The following FAM20C variants were observed in gnomAD, a reference collection of about 807,000 sequenced individuals.
FAM20C encodes extracellular serine/threonine protein kinase FAM20C.
A neutral mutation model predicts 51.5 loss-of-function variants in FAM20C; 40 were observed. The ratio of observed to expected loss-of-function variants is 0.78; its 90% confidence interval spans 0.60 to 1.01. The LOEUF is 1.01. Among genes scored for constraint, FAM20C ranks in the 50% least tolerant of loss-of-function variants. FAM20C has a pLI of 0.00. For synonymous variants in FAM20C, 406 were observed against 380.6 expected, an observed-to-expected ratio of 1.07 and a Z score of -0.78; for missense variants, 861 against 844.7, an observed-to-expected ratio of 1.02 and a Z score of -0.24.
rs1043086159 is a variant in FAM20C, at chr7:256,946, C to T, written c.1364-59C>T. ...ACGCCGCTCTGCAGAGCACAGAGGC[C>T]TCTGAGCTACGTGGCCCGGCTCCCC... On this transcript the variant is annotated intron_variant, in intron 7 of 9. Coordinates refer to ENST00000313766, the MANE Select transcript of FAM20C (RefSeq NM_020223.4). The T allele has an allele frequency of 8.5e-6, 13 of 1,520,682 alleles. No individual in the cohort carries two copies. In the Admixed American group the frequency reaches 1.6e-4, roughly 18 times the overall value. The allele number at this position is 1,520,682 out of a possible 1,614,324, so 94.2% of individuals were successfully genotyped here.
chr7:250,488 T>G (rs1788353660), intron 5 of FAM20C, among the ~76,000 whole-genome samples: 2 of 152,214 alleles, frequency 1.3e-5, no homozygotes, highest in Admixed American at 1.3e-4. Context: ...CAGCTGTGCC[T>G]GAGCCAGGCA....
chr7:251,802 A>T (rs1401524330), intron 5 of FAM20C, among the ~76,000 whole-genome samples: 1 of 152,142 alleles, frequency 6.6e-6, no homozygotes, highest in Non-Finnish European at 1.5e-5. Flanking sequence ...TTTCCAGGGC[A>T]GCGCAAGTTT....
Position 246,566 on chromosome 7 carries a change from T to C in FAM20C, c.956+59T>C, listed in dbSNP as rs143589297. On this transcript the variant is annotated intron_variant, in intron 4 of 9. Coordinates refer to ENST00000313766, the MANE Select transcript of FAM20C (RefSeq NM_020223.4). Reference sequence around the variant, plus strand: ...CCGTGCGCTCAGACCCACCGGTGAGTGAGGCCGTCCTGCACTGGACACAGC... The same window carrying C: ...CCGTGCGCTCAGACCCACCGGTGAGCGAGGCCGTCCTGCACTGGACACAGC... The C allele has an allele frequency of 0.18, 230,041 of 1,261,008 alleles. 24,770 individuals carry two copies. The highest frequency in any genetic ancestry group is 0.44 in the African/African-American group (27,484 of 62,910). 78.1% of individuals were successfully genotyped at this position (1,261,008 alleles called of 1,614,324 possible).
chr7:222,782 G>C (rs1019506100), intron 3 of FAM20C, among the ~76,000 whole-genome samples: 1 of 152,188 alleles, frequency 6.6e-6, no homozygotes, highest in Non-Finnish European at 1.5e-5. Flanking sequence ...GTAGGTGAGC[G>C]TGTGGGTGTG....
chr7:258,666 A>G lies in FAM20C; in HGVS notation c.1466A>G (p.Asp489Gly), dbSNP rs1483288850. ...NGRGFGKYSH[D>G]ELSILVPLQQ... ...GGAAGGTTTGGGAAGTATTCGCACG[A>G]CGAGCTCTCCATCCTGGTGCCGCTA... The change falls in exon 9 of 10, where the codon GAC becomes GGC. Residue 489 changes from aspartate (D) to glycine (G), a missense_variant. Asp to Gly is a moderately conservative substitution (Grantham distance 94). Around this residue, in one of 3 missense-constraint regions of FAM20C, gnomAD observed 269 missense variants for 283.8 expected, o/e 0.95. Coordinates refer to ENST00000313766, the MANE Select transcript of FAM20C (RefSeq NM_020223.4). 1.4e-5 allele frequency: 22 copies of G among 1,536,626 alleles called. No homozygotes were observed. Among genetic ancestry groups the G allele is most frequent in the Non-Finnish European group, 8.7e-7 (1 of 1,146,556 alleles).
At chr7:194,184 C>T in intron 1 of FAM20C, 1 of 214,090 alleles carries the variant, frequency 4.7e-6, no homozygotes, top group Admixed American at 5.6e-5. Flanking sequence ...CGAGGGTGCT[C>T]TGGGTGGGCA....
At chr7:250,798 T>C (rs1788368445) in intron 5 of FAM20C, among the ~76,000 whole-genome samples, 1 of 152,240 alleles carries the variant, frequency 6.6e-6, no homozygotes, top group South Asian at 2.1e-4. Flanking sequence ...GCCCGACTGC[T>C]TCTTATCCAC....
rs1183264494 is a variant in FAM20C at position 257,981 on chromosome 7, A to T, written c.1446-665A>T. On this transcript the variant is annotated intron_variant, in intron 8 of 9. Coordinates refer to ENST00000313766, the MANE Select transcript of FAM20C (RefSeq NM_020223.4). ...ACTGCCTGAGGTGCTGGAGATAGGC[A>T]GTGTGGACCCACTGCCTGGGGTGCT... Among the ~76,000 whole-genome samples, 142 of 59,082 alleles carry T rather than the reference A, an allele frequency of 2.4e-3. 32 individuals carry two copies. The highest frequency in any genetic ancestry group is 2.7e-3 in the Non-Finnish European group (75 of 28,220). The allele number at this position is 59,082 out of a possible 152,430, so 38.8% of individuals were successfully genotyped here.
intron 3 of FAM20C, among the ~76,000 whole-genome samples, chr7:217,911 C>T (rs1787078699): frequency 6.6e-6 from 1 of 152,102 alleles, no homozygotes; most frequent in Non-Finnish European, 1.5e-5. Context: ...AGAGGAGGTG[C>T]AGCTGCTCTT....
At chr7:232,862 G>C (rs899443167) in intron 3 of FAM20C, among the ~76,000 whole-genome samples, 1 of 152,198 alleles carries the variant, frequency 6.6e-6, no homozygotes, top group African/African-American at 2.4e-5. Flanking sequence ...CCTGGATTTC[G>C]GAGAAACAAC....
intron 9 of FAM20C, among the ~76,000 whole-genome samples, chr7:259,322 T>A (rs1788774899): frequency 6.6e-6 from 1 of 152,118 alleles, no homozygotes; most frequent in South Asian, 2.1e-4. Context: ...GGCACCCTCA[T>A]CCCTTGTGCA....
intron 5 of FAM20C, among the ~76,000 whole-genome samples, chr7:251,973 G>A (rs913604377): frequency 4.6e-5 from 7 of 152,182 alleles, no homozygotes; most frequent in Admixed American, 3.3e-4. Flanking sequence ...CACTCCAGCC[G>A]CGCTGCCCTG....
intron 5 of FAM20C, among the ~76,000 whole-genome samples, chr7:253,650 C>G (rs562027349): frequency 1.3e-5 from 2 of 152,184 alleles, no homozygotes; most frequent in Non-Finnish European, 2.9e-5. Flanking sequence ...TTGCTGGGAC[C>G]CCCGCTTCCC....
At chr7:223,592 C>T (rs555738638) in intron 3 of FAM20C, among the ~76,000 whole-genome samples, 1 of 152,284 alleles carries the variant, frequency 6.6e-6, no homozygotes, top group African/African-American at 2.4e-5. Flanking sequence ...GCAGCCGGCT[C>T]GTCTGTGTGT....
rs556715829 is a variant in FAM20C at position 192,604 on chromosome 7, G to T, written c.-596G>T. Among the ~76,000 whole-genome samples the T allele has an allele frequency of 4.2e-3, 636 of 150,618 alleles. 3 individuals are homozygous for T. Among genetic ancestry groups the T allele is most frequent in the African/African-American group, 0.014 (576 of 41,358 alleles). Reference sequence around the variant, plus strand: ...CGGCCAGGCGGGAGCTGCGCTCGGGGCGGCCGCTGCACCTGCCCGGGACCC... The same window carrying T: ...CGGCCAGGCGGGAGCTGCGCTCGGGTCGGCCGCTGCACCTGCCCGGGACCC... On this transcript the variant is annotated 5_prime_UTR_variant, in exon 1 of 10. Transcript: ENST00000313766.
intron 3 of FAM20C, among the ~76,000 whole-genome samples, chr7:209,440 C>T (rs761617633): frequency 1.3e-5 from 2 of 152,186 alleles, no homozygotes; most frequent in Admixed American, 6.5e-5. Context: ...AGCAGCCAGA[C>T]GCAGTACGTG....
intron 3 of FAM20C, among the ~76,000 whole-genome samples, chr7:220,519 G>A (rs569774777): frequency 6.6e-6 from 1 of 152,354 alleles, no homozygotes; most frequent in East Asian, 1.9e-4. Flanking sequence ...GGTGAAGGGG[G>A]CGTTGTTCCA....
chr7:218,505 C>T (rs28561461), intron 3 of FAM20C, among the ~76,000 whole-genome samples: 48,438 of 152,078 alleles, frequency 0.32, 7,846 homozygotes, highest in East Asian at 0.51. Flanking sequence ...GAAGGGAGGC[C>T]GGGACGCCAA....
chr7:235,679 G>A (rs1787827718), intron 3 of FAM20C, among the ~76,000 whole-genome samples: 1 of 152,202 alleles, frequency 6.6e-6, no homozygotes, highest in South Asian at 2.1e-4. Flanking sequence ...TGGAGTTGCT[G>A]GAGCAGCCGG....
Sources: gnomAD v4.1 joint callset for allele counts (sites outside exome capture counted in the v4.1 genomes callset) on GRCh38, gnomAD v4.1.1 for gene constraint, gnomAD v4.1.1 regional missense constraint, MANE v1.5 for transcripts, NCBI Gene and HGNC (gene_info 2026-07-23, HGNC 2026-07-21) for gene names.